ZFHX3: variants seen among roughly 807,000 people sequenced by gnomAD.
ZFHX3 encodes the protein zinc finger homeobox 3, also known as zinc finger homeobox protein 3.
In ZFHX3, 42 loss-of-function variants were observed where a neutral mutation model predicts 279.1. That is an observed-to-expected ratio of 0.15 (90% CI 0.12 to 0.19). ZFHX3 has a LOEUF of 0.19. ZFHX3 is among the 10% of genes least tolerant of loss of function. The pLI is 1.00. For missense variants in ZFHX3, 4,981 were observed against 4,754.0 expected, an observed-to-expected ratio of 1.05 and a Z score of -1.40; for synonymous variants, 2,293 against 1,957.8, an observed-to-expected ratio of 1.17 and a Z score of -4.52.
At chr16:73,218,380 A>G (rs1332391381) in intron 5 of ZFHX3, among the ~76,000 whole-genome samples, 2 of 152,230 alleles carry the variant, frequency 1.3e-5, no homozygotes, top group Non-Finnish European at 2.9e-5. Flanking sequence ...ATTATGCAGA[A>G]TAGTGCTGAG....
chr16:73,384,245 A>G (rs1436640619), intron 3 of ZFHX3, among the ~76,000 whole-genome samples: 6 of 152,224 alleles, frequency 3.9e-5, no homozygotes, highest in African/African-American at 1.4e-4. Context: ...CATATAGTCT[A>G]TGGGCTGTTT....
intron 1 of ZFHX3, among the ~76,000 whole-genome samples, chr16:73,800,628 T>G (rs1242483282): frequency 6.6e-6 from 1 of 152,090 alleles, no homozygotes; most frequent in Non-Finnish European, 1.5e-5. Context: ...CAGTTAAAGT[T>G]AAAATAATGA....
intron 1 of ZFHX3, among the ~76,000 whole-genome samples, chr16:73,757,432 C>T (rs2053821499): frequency 6.6e-6 from 1 of 152,222 alleles, no homozygotes; most frequent in Non-Finnish European, 1.5e-5. Flanking sequence ...ACTGCAGCAA[C>T]TTACTCTTTT....
chr16:73,622,240 C>T (rs1158737873), intron 2 of ZFHX3, among the ~76,000 whole-genome samples: 1 of 152,128 alleles, frequency 6.6e-6, no homozygotes, highest in Non-Finnish European at 1.5e-5. Context: ...CTGAAGCTTA[C>T]AGAATTTGGA....
At chr16:73,377,640 A>C (rs905405577) in intron 3 of ZFHX3, among the ~76,000 whole-genome samples, 14 of 151,310 alleles carry the variant, frequency 9.3e-5, no homozygotes, top group Non-Finnish European at 1.9e-4. Flanking sequence ...TGGTACCACC[A>C]TTTATTTAAC....
intron 2 of ZFHX3, among the ~76,000 whole-genome samples, chr16:73,544,245 A>G (rs951514476): frequency 6.6e-6 from 1 of 152,196 alleles, no homozygotes; most frequent in Non-Finnish European, 1.5e-5. Context: ...TTATTTCCGC[A>G]TCGCCACAAA....
intron 1 of ZFHX3, among the ~76,000 whole-genome samples, chr16:73,021,857 A>G (rs887753592): frequency 2.7e-5 from 4 of 147,184 alleles, no homozygotes; most frequent in Admixed American, 6.8e-5. Flanking sequence ...AAAAAAATCA[A>G]TGACTGGTAC....
intron 2 of ZFHX3, among the ~76,000 whole-genome samples, chr16:73,556,308 A>T (rs2020281574): frequency 6.6e-6 from 1 of 152,146 alleles, no homozygotes; most frequent in Non-Finnish European, 1.5e-5. Context: ...GGAGAGAACG[A>T]AAGGAGTGGG....
intron 1 of ZFHX3, among the ~76,000 whole-genome samples, chr16:73,035,554 AAAAT>A (rs1432720237): frequency 6.6e-6 from 1 of 152,218 alleles, no homozygotes; most frequent in East Asian, 1.9e-4. Flanking sequence ...AAACTAAGAA[AAAAT>A]AAATCACTTC....
chr16:72,823,877 AGTCCT>A (rs1306311302), intron 5 of ZFHX3, among the ~76,000 whole-genome samples: 2 of 152,146 alleles, frequency 1.3e-5, no homozygotes, highest in African/African-American at 4.8e-5. Flanking sequence ...GACTCCTACG[AGTCCT>A]GTATTTTTCC....
In ZFHX3 at chr16:73,834,403, C is replaced by A. The variant is rs571226021; in HGVS notation, c.-1608+57248G>T. On this transcript the variant is annotated intron_variant, in intron 1 of 17. Transcript: ENST00000641206. The stretch of plus-strand genomic sequence containing the variant: ...AAGCCCAGAATGAGGTACAGATTTT[C>A]CTGCAGGGTCACAGCATATGAAGTG... Among the ~76,000 whole-genome samples, 5 of 152,314 alleles carry A rather than the reference C, an allele frequency of 3.3e-5. No individual in the cohort carries two copies. The East Asian group carries it at 9.6e-4, about 29-fold the overall frequency.
chr16:73,355,718 T>C (rs926929193), intron 3 of ZFHX3, among the ~76,000 whole-genome samples: 1 of 152,210 alleles, frequency 6.6e-6, no homozygotes, highest in Admixed American at 6.5e-5. Flanking sequence ...CTGCTTAATA[T>C]CTGCGTGACC....
chr16:73,083,890 C>T (rs1597150946), intron 8 of ZFHX3, among the ~76,000 whole-genome samples: 2 of 152,274 alleles, frequency 1.3e-5, no homozygotes, highest in East Asian at 1.9e-4. Flanking sequence ...CATGCCTCCA[C>T]TGGAAAGACC....
Position 73,529,245 on chromosome 16 carries a change from C to A in ZFHX3, c.-1546-72987G>T, listed in dbSNP as rs187047515. Reference sequence around the variant, plus strand: ...TTTTGCCCAGTGGACCGAGTGGCTGCTGAGGGAAAAGCTGCCCTGGTCAAA... The same window carrying A: ...TTTTGCCCAGTGGACCGAGTGGCTGATGAGGGAAAAGCTGCCCTGGTCAAA... On this transcript the variant is annotated intron_variant, in intron 2 of 17. Coordinates refer to the ZFHX3 transcript ENST00000641206. Among the ~76,000 whole-genome samples, 1,002 of 152,224 alleles carry A rather than the reference C, an allele frequency of 6.6e-3. 8 individuals carry two copies. The highest frequency in any genetic ancestry group is 0.023 in the African/African-American group (966 of 41,514).
chr16:72,879,431 T>A (rs763806763), intron 4 of ZFHX3, among the ~76,000 whole-genome samples: 2 of 152,106 alleles, frequency 1.3e-5, no homozygotes, highest in Non-Finnish European at 2.9e-5. Context: ...TTTCTATTTC[T>A]TTTTTTTCTT....
chr16:73,243,370 ACT>A (rs2013183102), intron 5 of ZFHX3, among the ~76,000 whole-genome samples: 1 of 152,048 alleles, frequency 6.6e-6, no homozygotes, highest in African/African-American at 2.4e-5. Flanking sequence ...TGTCCCACTC[ACT>A]CTCTATTCTT....
rs545832628 is a variant in ZFHX3, at chr16:72,930,468, C to T, written c.3216+20001G>A. Among the ~76,000 whole-genome samples the T allele has an allele frequency of 2.0e-5, 3 of 152,080 alleles. No individual in the cohort carries two copies. The South Asian group carries it at 6.2e-4, about 32-fold the overall frequency. On this transcript the variant is annotated intron_variant, in intron 3 of 9. Transcript: ENST00000268489. ...GGAGATAATGGATTCTGTGTGATCT[C>T]TTGCAGACAGATTTTATAAGTGCAA... is the stretch of plus-strand genomic sequence containing the variant.
chr16:72,885,059 G>A (rs989854581), intron 4 of ZFHX3, among the ~76,000 whole-genome samples: 33 of 152,248 alleles, frequency 2.2e-4, no homozygotes, highest in Admixed American at 2.1e-3. Flanking sequence ...TTTGAGAGAT[G>A]TATTTCCAAG....
chr16:73,532,041 T>C (rs753601189), intron 2 of ZFHX3, among the ~76,000 whole-genome samples: 21 of 151,910 alleles, frequency 1.4e-4, no homozygotes, highest in Non-Finnish European at 2.8e-4. Flanking sequence ...TGAGCTATGA[T>C]TGTACCACTG....
Sources: allele counts gnomAD v4.1 joint callset (sites outside exome capture counted in the v4.1 genomes callset), GRCh38; gene constraint gnomAD v4.1.1; transcripts MANE v1.5; gene names NCBI Gene and HGNC (gene_info 2026-07-23, HGNC 2026-07-21).